AFF1: variants seen among roughly 807,000 people sequenced by gnomAD.
AFF1 encodes the protein AF4/FMR2 family member 1.
AFF1 carries 48 observed loss-of-function variants against 121.7 expected under a neutral mutation model. The ratio of observed to expected loss-of-function variants is 0.39; its 90% CI spans 0.31 to 0.50. The LOEUF is 0.50. Among genes scored for constraint, AFF1 ranks in the 20% least tolerant of loss-of-function variants. The pLI is 0.76. For synonymous variants in AFF1, 613 were observed against 563.0 expected (o/e 1.09, Z -1.26); for missense variants, 1,523 against 1,511.7 (o/e 1.01, Z -0.12).
At chr4:86,979,351 G>A (rs1253441117) in intron 2 of AFF1, among the ~76,000 whole-genome samples, 3 of 151,954 alleles carry the variant, frequency 2.0e-5, no homozygotes, top group Admixed American at 6.6e-5. Context: ...CTCCCGCCTC[G>A]GCCTCCCAAA....
At chr4:87,074,335 A>G (rs913447008) in intron 4 of AFF1, among the ~76,000 whole-genome samples, 1 of 152,110 alleles carries the variant, frequency 6.6e-6, no homozygotes, top group African/African-American at 2.4e-5. Flanking sequence ...CCTTTTAACC[A>G]TTCTTACTTA....
intron 2 of AFF1, among the ~76,000 whole-genome samples, chr4:86,960,334 T>G (rs1164767062): frequency 6.6e-6 from 1 of 152,184 alleles, no homozygotes; most frequent in Non-Finnish European, 1.5e-5. Context: ...TGCAGTGGGT[T>G]CCGCTGCGTT....
chr4:87,102,152 A>G (rs1162693840), intron 8 of AFF1, among the ~76,000 whole-genome samples: 1 of 152,244 alleles, frequency 6.6e-6, no homozygotes, highest in African/African-American at 2.4e-5. Context: ...GTAAAATGTG[A>G]TTAAATCTAC....
intron 4 of AFF1, among the ~76,000 whole-genome samples, chr4:87,050,538 A>G (rs1257647201): frequency 6.6e-6 from 1 of 152,174 alleles, no homozygotes; most frequent in African/African-American, 2.4e-5. Flanking sequence ...ACTTGGTTTT[A>G]TGTTCTAGTT....
chr4:86,992,539 AGTT>A (rs570617420), intron 2 of AFF1, among the ~76,000 whole-genome samples: 71 of 151,700 alleles, frequency 4.7e-4, no homozygotes, highest in African/African-American at 1.7e-3. Flanking sequence ...GGACCCATTA[AGTT>A]GTTAAGCGTT....
At chr4:86,974,713 G>A (rs546263579) in intron 2 of AFF1, among the ~76,000 whole-genome samples, 22 of 152,266 alleles carry the variant, frequency 1.4e-4, no homozygotes, top group African/African-American at 4.8e-4. Flanking sequence ...GGCCAGTGTT[G>A]TGAAATCACA....
intron 8 of AFF1, 50 bp from the exon 9 acceptor site, chr4:87,105,578 G>A: frequency 6.2e-7 from 1 of 1,605,504 alleles, no homozygotes; most frequent in Non-Finnish European, 8.5e-7. Flanking sequence ...TAGAAAAGTT[G>A]TTAGAAATCA....
At chr4:87,009,294 G>C (rs1469697931) in intron 2 of AFF1, among the ~76,000 whole-genome samples, 1 of 152,242 alleles carries the variant, frequency 6.6e-6, no homozygotes, top group African/African-American at 2.4e-5. Context: ...AGCAACGCCT[G>C]ACTCCAGATC....
chr4:87,023,754 G>A (rs1174665412), intron 2 of AFF1, among the ~76,000 whole-genome samples: 12 of 152,198 alleles, frequency 7.9e-5, no homozygotes, highest in African/African-American at 2.9e-4. Flanking sequence ...GAATAATAAT[G>A]GCAAACGGTG....
intron 2 of AFF1, among the ~76,000 whole-genome samples, chr4:86,996,731 C>T (rs888422878): frequency 6.6e-6 from 1 of 152,068 alleles, no homozygotes; most frequent in Admixed American, 6.6e-5. Context: ...TTAAAACAAA[C>T]AAACAAACAA....
chr4:87,023,052 A>G (rs964874705), intron 2 of AFF1, among the ~76,000 whole-genome samples: 3 of 151,940 alleles, frequency 2.0e-5, no homozygotes, highest in Non-Finnish European at 2.9e-5. Flanking sequence ...ACAGGCAGGC[A>G]CACACCACCA....
At chr4:87,076,534 T>C (rs1722690883) in intron 4 of AFF1, among the ~76,000 whole-genome samples, 1 of 152,264 alleles carries the variant, frequency 6.6e-6, no homozygotes, top group Admixed American at 6.5e-5. Context: ...GATTTAACAG[T>C]TAAAGTTGGT....
intron 2 of AFF1, among the ~76,000 whole-genome samples, chr4:86,996,118 G>A (rs1231294045): frequency 4.7e-5 from 7 of 149,452 alleles, no homozygotes; most frequent in African/African-American, 7.4e-5. Flanking sequence ...TCAGGCCCCC[G>A]CCCGGCCAGC....
intron 2 of AFF1, among the ~76,000 whole-genome samples, chr4:87,021,055 AC>A (rs1727850459): frequency 6.6e-6 from 1 of 151,928 alleles, no homozygotes; most frequent in Non-Finnish European, 1.5e-5. Context: ...AATTCACTGT[AC>A]CTTTGTATGC....
chr4:86,998,104 A>AAAAAAC (rs1725368436), intron 2 of AFF1, among the ~76,000 whole-genome samples: 1 of 69,540 alleles, frequency 1.4e-5, no homozygotes, highest in Non-Finnish European at 3.5e-5. Context: ...GTCTCAAAAA[A>AAAAAAC]AAAAAAAAAA....
chr4:87,085,288 C>T (rs895569709), intron 5 of AFF1, among the ~76,000 whole-genome samples: 4 of 151,974 alleles, frequency 2.6e-5, no homozygotes, highest in Admixed American at 1.3e-4. Flanking sequence ...TCCAGGAAAC[C>T]CAGAGCTTAA....
At chr4:87,065,234 C>T (rs1020009696) in intron 4 of AFF1, among the ~76,000 whole-genome samples, 4 of 152,124 alleles carry the variant, frequency 2.6e-5, no homozygotes, top group Admixed American at 6.5e-5. Context: ...GTCACGTCTA[C>T]GTGAGTGGCG....
intron 2 of AFF1, among the ~76,000 whole-genome samples, chr4:86,963,189 AAG>A: frequency 1.3e-5 from 2 of 149,984 alleles, no homozygotes; most frequent in African/African-American, 5.0e-5. Flanking sequence ...AAAAAAAAAA[AAG>A]CATAGATAAC....
At chr4:87,044,589 A>C (rs1327981278) in intron 2 of AFF1, among the ~76,000 whole-genome samples, 1 of 152,176 alleles carries the variant, frequency 6.6e-6, no homozygotes, top group Non-Finnish European at 1.5e-5. Flanking sequence ...GTGGAGAGAG[A>C]AGCAGTGGAA....
Sources: allele counts gnomAD v4.1 joint callset (sites outside exome capture counted in the v4.1 genomes callset), GRCh38; gene constraint gnomAD v4.1.1; transcripts MANE v1.5; gene names NCBI Gene and HGNC (gene_info 2026-07-23, HGNC 2026-07-21).